The following WIPI1 variants were observed in gnomAD, a reference collection of about 807,000 sequenced individuals.
The protein encoded by WIPI1 is WD repeat domain, phosphoinositide interacting 1, also known as WD repeat domain phosphoinositide-interacting protein 1.
Under a neutral mutation model 55.3 loss-of-function variants are expected in WIPI1, and 45 were observed. That is an observed-to-expected ratio of 0.81 (90% confidence interval 0.64 to 1.04). The LOEUF (loss-of-function observed/expected upper bound fraction) is 1.04, where lower values mean the gene tolerates loss of function less well. Among genes scored for constraint, WIPI1 ranks in the 50% least tolerant of loss-of-function variants. The pLI, the probability that WIPI1 is intolerant of heterozygous loss-of-function variation, is 0.00. For missense variants in WIPI1, 445 were observed against 559.0 expected (o/e 0.80, Z 2.06); for synonymous variants, 195 against 217.6 (o/e 0.90, Z 0.92).
At chr17:68,437,563 A>G (rs2147899166) in intron 4 of WIPI1, among the ~76,000 whole-genome samples, 1 of 152,122 alleles carries the variant, frequency 6.6e-6, no homozygotes, top group South Asian at 2.1e-4. Context: ...AGAAAAAAAA[A>G]AAAAGAAACC....
chr17:68,435,539 G>A (rs756092948), intron 6 of WIPI1, 81 bp downstream of exon 6: 1 of 1,372,504 alleles, frequency 7.3e-7, no homozygotes. Flanking sequence ...CATGTCACCA[G>A]GTTTGTTCAA....
At chr17:68,441,057 G>C in intron 4 of WIPI1, 1 of 152,182 alleles carries the variant, frequency 6.6e-6, no homozygotes, top group East Asian at 1.9e-4. Flanking sequence ...GTGTGGTATG[G>C]AACGCTCCCT....
At chr17:68,439,621 G>A (rs966906044) in intron 4 of WIPI1, among the ~76,000 whole-genome samples, 1 of 152,176 alleles carries the variant, frequency 6.6e-6, no homozygotes, top group South Asian at 2.1e-4. Flanking sequence ...AATTGTATAG[G>A]ATGTGAATTT....
intron 12 of WIPI1, among the ~76,000 whole-genome samples, chr17:68,425,096 G>A (rs576626713): frequency 1.3e-5 from 2 of 152,180 alleles, no homozygotes; most frequent in Non-Finnish European, 2.9e-5. Flanking sequence ...AGCCAGCCCC[G>A]AGGGCCCTAG....
rs974941916 is a variant in WIPI1, at chr17:68,423,098, G to A, written c.1294-1278C>T. On this transcript the variant is annotated intron_variant, in intron 12 of 12. Transcript: ENST00000262139. The surrounding 1 kb of genome is among the most constrained non-coding windows in gnomAD (Gnocchi z 4.4). ...TACTCAGGCAAGCCTATGTTTGTTC[G>A]TCACTACAAGAGAGGCGATTTTAAC... Among the ~76,000 whole-genome samples, 9 of 152,264 alleles carry A rather than the reference G, an allele frequency of 5.9e-5. No homozygotes were observed. Among genetic ancestry groups the A allele is most frequent in the East Asian group, 1.9e-4 (1 of 5,188 alleles).
At chr17:68,447,896 G>A (rs1425828081) in intron 3 of WIPI1, among the ~76,000 whole-genome samples, 1 of 150,372 alleles carries the variant, frequency 6.7e-6, no homozygotes, top group Admixed American at 6.7e-5. Context: ...GGGAGGGTGA[G>A]GCAGGAGAAT....
At position 68,433,775 on chromosome 17, in the gene WIPI1, T is replaced by TTTTTTTTTTG. The variant is rs1568632995; in HGVS notation, c.693-201_693-200insCAAAAAAAAA. Among the ~76,000 whole-genome samples the TTTTTTTTTTG allele has an allele frequency of 2.9e-4, 18 of 61,548 alleles. 1 individual carries two copies. The highest frequency in any genetic ancestry group is 8.6e-4 in the African/African-American group (17 of 19,812). The allele number at this position is 61,548 out of a possible 152,430, so 40.4% of individuals were successfully genotyped here. On this transcript the variant is annotated intron_variant, in intron 7 of 12. Coordinates refer to ENST00000262139, the MANE Select transcript of WIPI1 (RefSeq NM_017983.7). Reference sequence around the variant, plus strand: ...AAGGGTCATAGTTTTTTTTTTTTTTTTTTTTTTTTTTTTTTTTTTTTTTGA... The same window carrying TTTTTTTTTTG: ...AAGGGTCATAGTTTTTTTTTTTTTTTTTTTTTTTTGTTTTTTTTTTTTTTTTTTTTTTTGA...
Position 68,433,537 on chromosome 17 carries a change from G to A in WIPI1, c.731C>T (p.Ser244Leu). Reference protein sequence around the residue: ...TISSLVFSMDSQFLCASSNTE... With the variant: ...TISSLVFSMDLQFLCASSNTE... The stretch of plus-strand genomic sequence containing the variant: ...GTTACTGGAGGCGCAGAGGAATTGT[G>A]AATCCATACTGAACACTAGAGAGCT... Residue 244 changes from serine (S) to leucine (L), a missense_variant, in exon 8 of 13, where the codon TCA (serine) becomes TTA (leucine). Transcript: ENST00000262139. 1 of 1,613,968 alleles carries A rather than the reference G, an allele frequency of 6.2e-7. No homozygotes were observed. Among genetic ancestry groups the A allele is most frequent in the Non-Finnish European group, 8.5e-7 (1 of 1,180,012 alleles).
rs770484876 is a variant in WIPI1 at position 68,423,630 on chromosome 17, G to A, written c.1294-1810C>T. Among the ~76,000 whole-genome samples the A allele has an allele frequency of 8.5e-5, 13 of 152,180 alleles. No individual in the cohort carries two copies. Among genetic ancestry groups the A allele is most frequent in the Middle Eastern group, 3.2e-3 (1 of 316 alleles). On this transcript the variant is annotated intron_variant, in intron 12 of 12. Transcript: ENST00000262139. The surrounding 1 kb of genome is among the most constrained non-coding windows in gnomAD (Gnocchi z 4.4). ...ACTTTCACTCATTTGGTCCTTAGGAGGGAGAAGAAACAACTGGCTCATGCC... is the reference window on the plus strand; with the variant it reads ...ACTTTCACTCATTTGGTCCTTAGGAAGGAGAAGAAACAACTGGCTCATGCC...
At chr17:68,430,255 C>T (rs1325340286) in intron 8 of WIPI1, 95 bp from the exon 9 acceptor site, 24 of 1,277,146 alleles carry the variant, frequency 1.9e-5, no homozygotes, top group South Asian at 7.1e-5. Flanking sequence ...CCACACTCCC[C>T]GCAGCAGGGA....
Position 68,427,279 on chromosome 17 carries a change from G to A in WIPI1, c.1074-26C>T, listed in dbSNP as rs779691742. 1.9e-6 allele frequency: 3 copies of A among 1,570,144 alleles called. No individual in the cohort carries two copies. In the South Asian group the frequency reaches 3.4e-5, roughly 18 times the overall value. On this transcript the variant is annotated intron_variant, in intron 10 of 12. Transcript: ENST00000262139. ...CTACTTGTGACAATCAAGAGGAGGT[G>A]AAAGAAAAAAGAAATCATCATATAT...
chr17:68,422,463 G>C (rs890481944), intron 12 of WIPI1: 7 of 151,330 alleles, frequency 4.6e-5, no homozygotes, highest in African/African-American at 1.5e-4. Context: ...TGGGCGCAGT[G>C]GCTCACACCT....
At position 68,435,611 on chromosome 17, in the gene WIPI1, T is replaced by C; in HGVS notation, c.621+9A>G. 6.2e-7 allele frequency: 1 copy of C among 1,613,448 alleles called. No homozygotes were observed. The highest frequency in any genetic ancestry group is 8.5e-7 in the Non-Finnish European group (1 of 1,179,788). On this transcript the variant is annotated intron_variant, in intron 6 of 12. Coordinates refer to ENST00000262139, the MANE Select transcript of WIPI1 (RefSeq NM_017983.7). ...ACCCAGACAGAGGTGTTGGTGGGAG[T>C]GGACTCACTTTTTCAGACGCACTTG...
rs1348607311 is a variant in WIPI1, at chr17:68,434,573, GAA to G, written c.673_674del (p.Phe225ProfsTer27). On this transcript the variant is annotated frameshift_variant, in exon 7 of 13. Transcript: ENST00000262139. LOFTEE classifies it high-confidence loss of function. ...ACACAGACCTTTTCATCCCTCTCCGGAACTCATAGAGCTTTTGCCCATCAGGG... is the reference window on the plus strand; with the variant it reads ...ACACAGACCTTTTCATCCCTCTCCGGCTCATAGAGCTTTTGCCCATCAGGG... ...SVPDGQKLYE[F>X]RRGMKRYVTI... The G allele has an allele frequency of 3.1e-6, 5 of 1,613,886 alleles. No homozygotes were observed. The Admixed American group carries it at 6.7e-5, about 22-fold the overall frequency.
chr17:68,422,053 GTGTA>G (rs1241683039), intron 12 of WIPI1: 11 of 566,982 alleles, frequency 1.9e-5, no homozygotes, highest in African/African-American at 1.9e-4. Flanking sequence ...CTGTGTGTGT[GTGTA>G]TGTATTTATA....
rs934074351 is a variant in WIPI1 at position 68,428,897 on chromosome 17, A to G, written c.1005T>C (p.Ser335=). 6.2e-7 allele frequency: 1 copy of G among 1,614,176 alleles called. No individual in the cohort carries two copies. Among genetic ancestry groups the G allele is most frequent in the Non-Finnish European group, 8.5e-7 (1 of 1,180,018 alleles). The change falls in exon 10 of 13, where the codon AGT becomes AGC. Residue 335 remains serine, a synonymous_variant. Coordinates refer to ENST00000262139, the MANE Select transcript of WIPI1 (RefSeq NM_017983.7). The part of the protein sequence containing the change: ...KLPRLLVASS[S]GHLYMYNLDP... ...CCAAATTGTACATATAAAGGTGTCCACTGGATGACGCAACTAGCAGCCGTG... is the reference window on the plus strand; with the variant it reads ...CCAAATTGTACATATAAAGGTGTCCGCTGGATGACGCAACTAGCAGCCGTG...
chr17:68,452,853 TAGA>T, intron 2 of WIPI1, 54 bp downstream of exon 2: 6 of 1,528,752 alleles, frequency 3.9e-6, no homozygotes, highest in Non-Finnish European at 5.4e-6. Flanking sequence ...GATTAAAGCC[TAGA>T]AGGAGGCTCT....
At chr17:68,426,254 G>GGGGGGGGGGGGGGGGGGGGGT in intron 11 of WIPI1, 79 bp from the exon 12 acceptor site, 1 of 816,924 alleles carries the variant, frequency 1.2e-6, no homozygotes, top group Non-Finnish European at 1.9e-6. Flanking sequence ...GGGAGCGGGG[G>GGGGGGGGGGGGGGGGGGGGGT]CTCAAATAAA....
At position 68,452,836 on chromosome 17, in the gene WIPI1, C is replaced by T. The variant is rs1347512771; in HGVS notation, c.163+74G>A. Reference sequence around the variant, plus strand: ...AAGGGAAAAATAGGCAGCTTGGTAGCACCGCAGATTAAAGCCTAGAAGGAG... The same window carrying T: ...AAGGGAAAAATAGGCAGCTTGGTAGTACCGCAGATTAAAGCCTAGAAGGAG... On this transcript the variant is annotated intron_variant, in intron 2 of 12. Transcript: ENST00000262139. 3.0e-6 allele frequency: 4 copies of T among 1,354,872 alleles called. No individual in the cohort carries two copies. In the African/African-American group the frequency reaches 5.8e-5, roughly 20 times the overall value. The allele number at this position is 1,354,872 out of a possible 1,614,324, so 83.9% of individuals were successfully genotyped here.
Sources: gnomAD v4.1 joint callset for allele counts (sites outside exome capture counted in the v4.1 genomes callset) on GRCh38, gnomAD v4.1.1 for gene constraint, Gnocchi (gnomAD v3.1) non-coding constraint, MANE v1.5 for transcripts, NCBI Gene and HGNC (gene_info 2026-07-23, HGNC 2026-07-21) for gene names.